GRIP1: variants seen among roughly 807,000 people sequenced by gnomAD.
The protein encoded by GRIP1 is glutamate receptor-interacting protein 1.
Under a neutral mutation model 129.9 loss-of-function variants are expected in GRIP1, and 45 were observed. The ratio of observed to expected loss-of-function variants is 0.35; its 90% CI spans 0.27 to 0.44. The LOEUF (loss-of-function observed/expected upper bound fraction) is 0.44. GRIP1 is among the 20% of genes least tolerant of loss of function. The pLI, the probability that GRIP1 is intolerant of heterozygous loss-of-function variation, is 1.00. For missense variants in GRIP1, 1,196 were observed against 1,396.8 expected, an observed-to-expected ratio of 0.86 and a Z score of 2.29; for synonymous variants, 530 against 520.8, an observed-to-expected ratio of 1.02 and a Z score of -0.24.
At chr12:66,915,699 G>A (rs1484060994) in intron 1 of GRIP1, among the ~76,000 whole-genome samples, 1 of 152,226 alleles carries the variant, frequency 6.6e-6, no homozygotes, top group Admixed American at 6.5e-5. Flanking sequence ...TGTCTTGTAT[G>A]CTGGGCAATG....
chr12:66,652,371 T>C (rs1184731091), intron 1 of GRIP1, among the ~76,000 whole-genome samples: 1 of 152,192 alleles, frequency 6.6e-6, no homozygotes, highest in Admixed American at 6.5e-5. Flanking sequence ...ATGTAAGACA[T>C]GCCTGCTTCT....
chr12:66,684,656 C>A (rs1419037823), intron 1 of GRIP1, among the ~76,000 whole-genome samples: 1 of 152,092 alleles, frequency 6.6e-6, no homozygotes, highest in Non-Finnish European at 1.5e-5. Context: ...ACCAGTCTGG[C>A]CAACATGGTG....
rs147681426 is a variant in GRIP1 at position 66,882,954 on chromosome 12, T to C, written c.58+186096A>G. Among the ~76,000 whole-genome samples the C allele has an allele frequency of 8.5e-3, 1,292 of 152,256 alleles. 25 individuals carry two copies. Among genetic ancestry groups the C allele is most frequent in the African/African-American group, 0.028 (1,170 of 41,534 alleles). On this transcript the variant is annotated intron_variant, in intron 1 of 1. Transcript: ENST00000643019. Reference sequence around the variant, plus strand: ...CCTTTAGTGGATTCTGGCTCCAGAATTGGGGAAGAAAAACCACACAAGCAA... The same window carrying C: ...CCTTTAGTGGATTCTGGCTCCAGAACTGGGGAAGAAAAACCACACAAGCAA...
intron 1 of GRIP1, among the ~76,000 whole-genome samples, chr12:66,904,227 T>G (rs773330330): frequency 6.6e-6 from 1 of 152,224 alleles, no homozygotes; most frequent in African/African-American, 2.4e-5. Context: ...ATAATCTTAG[T>G]AGAGACGTTT....
chr12:66,355,220 ATGTG>A (rs142071978), intron 23 of GRIP1, among the ~76,000 whole-genome samples: 2 of 151,436 alleles, frequency 1.3e-5, no homozygotes, highest in Non-Finnish European at 3.0e-5. Context: ...TTGTGTGTGC[ATGTG>A]TGTGTGTGTG....
intron 1 of GRIP1, among the ~76,000 whole-genome samples, chr12:67,046,211 A>G (rs1178657141): frequency 6.6e-6 from 1 of 152,172 alleles, no homozygotes. Flanking sequence ...TCCTGCCCCT[A>G]TGAAGCGGGC....
intron 1 of GRIP1, among the ~76,000 whole-genome samples, chr12:66,635,822 T>A (rs1243066645): frequency 6.6e-6 from 1 of 152,208 alleles, no homozygotes; most frequent in Non-Finnish European, 1.5e-5. Flanking sequence ...CAATCACTAA[T>A]GGCCAGTAAC....
chr12:66,428,244 A>G (rs568502886), intron 14 of GRIP1, among the ~76,000 whole-genome samples: 20 of 152,318 alleles, frequency 1.3e-4, no homozygotes, highest in African/African-American at 4.8e-4. Context: ...AACCATATAC[A>G]TCATACATGG....
intron 20 of GRIP1, 104 bp from the exon 21 acceptor site, chr12:66,377,389 G>A (rs941196409): frequency 1.0e-5 from 8 of 776,092 alleles, no homozygotes; most frequent in African/African-American, 8.6e-5. Context: ...GTGCAGTGGC[G>A]CAATCTCGGC....
intron 1 of GRIP1, among the ~76,000 whole-genome samples, chr12:66,751,279 A>G (rs972735349): frequency 6.6e-6 from 1 of 152,180 alleles, no homozygotes; most frequent in Non-Finnish European, 1.5e-5. Flanking sequence ...AGAATAAAAT[A>G]CTAGGAAAAC....
At chr12:67,065,024 T>G (rs185200543) in intron 1 of GRIP1, 1 of 151,200 alleles carries the variant, frequency 6.6e-6, no homozygotes, top group Non-Finnish European at 1.5e-5. Context: ...GTTCTTGCGA[T>G]AGTTTACTGA....
intron 1 of GRIP1, among the ~76,000 whole-genome samples, chr12:66,614,224 T>G (rs1297185606): frequency 6.6e-6 from 1 of 152,076 alleles, no homozygotes; most frequent in Non-Finnish European, 1.5e-5. Flanking sequence ...AAAGCTCTCA[T>G]GTTTATATCT....
At chr12:67,044,801 A>G (rs1382595536) in intron 1 of GRIP1, among the ~76,000 whole-genome samples, 5 of 152,226 alleles carry the variant, frequency 3.3e-5, no homozygotes, top group Admixed American at 2.0e-4. Flanking sequence ...CTCTGGGTAC[A>G]TGTTTTTCAA....
At chr12:66,367,406 G>T (rs754266043) in intron 23 of GRIP1, among the ~76,000 whole-genome samples, 1 of 152,170 alleles carries the variant, frequency 6.6e-6, no homozygotes, top group Non-Finnish European at 1.5e-5. Context: ...TTCTGCAAAA[G>T]AATCCACTGA....
chr12:66,576,979 G>A (rs971651234), intron 2 of GRIP1, among the ~76,000 whole-genome samples: 1 of 152,176 alleles, frequency 6.6e-6, no homozygotes, highest in African/African-American at 2.4e-5. Context: ...CAGATCAGGT[G>A]AGCTAATGGT....
intron 1 of GRIP1, among the ~76,000 whole-genome samples, chr12:66,646,924 C>T (rs887118548): frequency 6.6e-6 from 1 of 152,244 alleles, no homozygotes; most frequent in African/African-American, 2.4e-5. Flanking sequence ...CCTCTCTATT[C>T]TCACCTTACA....
At chr12:66,852,222 A>G (rs1019949791) in intron 1 of GRIP1, among the ~76,000 whole-genome samples, 1 of 152,024 alleles carries the variant, frequency 6.6e-6, no homozygotes, top group Non-Finnish European at 1.5e-5. Context: ...TTTTACATTA[A>G]CTGTGCCAGG....
chr12:66,922,771 G>C (rs1432197718), intron 1 of GRIP1, among the ~76,000 whole-genome samples: 3 of 152,146 alleles, frequency 2.0e-5, no homozygotes, highest in African/African-American at 7.2e-5. Flanking sequence ...ATGTGGGCAT[G>C]ATGGCCAGAA....
intron 17 of GRIP1, among the ~76,000 whole-genome samples, chr12:66,393,221 C>A (rs1217146975): frequency 6.8e-6 from 1 of 146,102 alleles, no homozygotes; most frequent in Non-Finnish European, 1.5e-5. Flanking sequence ...CTGTGTCACC[C>A]AGGCTGGAGT....
Sources: gnomAD v4.1 joint callset for allele counts (sites outside exome capture counted in the v4.1 genomes callset) on GRCh38, gnomAD v4.1.1 for gene constraint, MANE v1.5 for transcripts, NCBI Gene and HGNC (gene_info 2026-07-23, HGNC 2026-07-21) for gene names.